RRN3: variants seen among roughly 807,000 people sequenced by gnomAD.
RRN3 encodes the protein RNA polymerase I-specific transcription initiation factor RRN3.
In RRN3, 38 loss-of-function variants were observed where a neutral mutation model predicts 82.3. The observed-to-expected ratio is 0.46, with a 90% CI of 0.36 to 0.61. RRN3 has a LOEUF of 0.61. Ranked by LOEUF, RRN3 falls within the 20% of genes least tolerant of loss-of-function variation. RRN3 has a pLI of 0.00. For synonymous variants in RRN3, 284 were observed against 284.3 expected (o/e 1.00, Z 0.01); for missense variants, 726 against 793.1 (o/e 0.92, Z 1.02).
intron 12 of RRN3, 117 bp from the exon 13 acceptor site, chr16:15,071,368 A>G (rs2045220435): frequency 2.1e-6 from 2 of 931,754 alleles, no homozygotes; most frequent in East Asian, 5.0e-5. Flanking sequence ...TCTCATAACT[A>G]TCTCATGGGC....
intron 9 of RRN3, among the ~76,000 whole-genome samples, chr16:15,077,518 C>T (rs2045512886): frequency 6.6e-6 from 1 of 152,110 alleles, no homozygotes; most frequent in Non-Finnish European, 1.5e-5. Flanking sequence ...CTGAGGCCTC[C>T]CCAGCCATGT....
At position 15,089,803 on chromosome 16, in the gene RRN3, A is replaced by AC. The variant is rs1452254360; in HGVS notation, c.252+1511_252+1512insG. 1.9e-4 allele frequency among the ~76,000 whole-genome samples: 29 copies of AC among 151,248 alleles called. No homozygotes were observed. The East Asian group carries it at 5.4e-3, about 28-fold the overall frequency. Reference sequence around the variant, plus strand: ...CGACAGAGCAAAAAAAAAAAAAAAAAAAAAAAAACAGATTAAAGGATCAGG... The same window carrying AC: ...CGACAGAGCAAAAAAAAAAAAAAAAACAAAAAAAACAGATTAAAGGATCAGG... On this transcript the variant is annotated intron_variant, in intron 3 of 17. Transcript: ENST00000198767.
chr16:15,081,195 C>A (rs2151802670), intron 8 of RRN3, among the ~76,000 whole-genome samples: 1 of 152,312 alleles, frequency 6.6e-6, no homozygotes, highest in South Asian at 2.1e-4. Context: ...ACAAGTTTTT[C>A]TGTGGACATA....
intron 11 of RRN3, among the ~76,000 whole-genome samples, chr16:15,073,548 T>TA (rs2045329748): frequency 6.6e-6 from 1 of 152,198 alleles, no homozygotes; most frequent in African/African-American, 2.4e-5. Flanking sequence ...CTGAATATAA[T>TA]AATCTAACAC....
At chr16:15,072,917 AG>A in intron 12 of RRN3, 32 bp downstream of exon 12, 1 of 1,605,880 alleles carries the variant, frequency 6.2e-7, no homozygotes, top group Non-Finnish European at 8.5e-7. Flanking sequence ...AAACAAAGTA[AG>A]CTAAGATAAT....
chr16:15,081,091 A>T (rs1228286417), intron 8 of RRN3, among the ~76,000 whole-genome samples: 1 of 152,170 alleles, frequency 6.6e-6, no homozygotes, highest in Non-Finnish European at 1.5e-5. Context: ...GTAATATTCC[A>T]TTGTACCATG....
intron 9 of RRN3, among the ~76,000 whole-genome samples, chr16:15,077,387 C>G (rs539609956): frequency 5.3e-5 from 8 of 152,160 alleles, no homozygotes; most frequent in African/African-American, 1.4e-4. Context: ...ATACTGTTCT[C>G]GTGATAGTGA....
intron 1 of RRN3, among the ~76,000 whole-genome samples, chr16:15,092,914 G>C (rs560939875): frequency 2.0e-5 from 3 of 152,206 alleles, no homozygotes; most frequent in Non-Finnish European, 4.4e-5. Context: ...CAGCCATAAC[G>C]TCTTTTCTGC....
In RRN3 at chr16:15,068,172, G is replaced by A; in HGVS notation, c.1550C>T (p.Thr517Ile). 1 of 1,569,994 alleles carries A rather than the reference G, an allele frequency of 6.4e-7. No homozygotes were observed. Among genetic ancestry groups the A allele is most frequent in the Non-Finnish European group, 8.7e-7 (1 of 1,154,924 alleles). Reference sequence around the variant, plus strand: ...CAAGAAAGCGTAAATAACTTACTTTGTGATTGCAGCAAAAAAGTTAACCAC... The same window carrying A: ...CAAGAAAGCGTAAATAACTTACTTTATGATTGCAGCAAAAAAGTTAACCAC... ...PSVVNFFAAITNKYQLVFCYT... is the reference protein window; with the variant it reads ...PSVVNFFAAIINKYQLVFCYT... The change falls in exon 15 of 18, where the codon ACA becomes ATA. Residue 517 changes from threonine (T) to isoleucine (I), a missense_variant. Around this residue, in one of 4 missense-constraint regions of RRN3, gnomAD observed 81 missense variants for 156.4 expected, o/e 0.52. Transcript: ENST00000198767.
At chr16:15,085,782 A>C in intron 5 of RRN3, 84 bp from the exon 6 acceptor site, 1 of 1,557,760 alleles carries the variant, frequency 6.4e-7, no homozygotes, top group Non-Finnish European at 8.7e-7. Context: ...TGACCTAGAC[A>C]ATGAACAGCT....
chr16:15,085,468 T>A (rs1183079825), intron 6 of RRN3, among the ~76,000 whole-genome samples, 171 bp downstream of exon 6: 1 of 152,300 alleles, frequency 6.6e-6, no homozygotes, highest in Non-Finnish European at 1.5e-5. Flanking sequence ...AAGCCTTTTT[T>A]AAGAAAATAT....
intron 11 of RRN3, 191 bp downstream of exon 11, chr16:15,074,532 C>A: frequency 2.2e-6 from 1 of 463,260 alleles, no homozygotes. Flanking sequence ...TATAACTCAG[C>A]CAGAATCCCA....
chr16:15,088,313 A>T (rs2045988398), intron 3 of RRN3, among the ~76,000 whole-genome samples: 3 of 152,076 alleles, frequency 2.0e-5, no homozygotes, highest in Non-Finnish European at 4.4e-5. Context: ...TCATCTCCAG[A>T]AAAATTAGCC....
At chr16:15,092,902 T>C (rs1452765187) in intron 1 of RRN3, among the ~76,000 whole-genome samples, 1 of 152,234 alleles carries the variant, frequency 6.6e-6, no homozygotes, top group Non-Finnish European at 1.5e-5. Context: ...CTTGTTTTAC[T>C]ACAGCCATAA....
intron 15 of RRN3, among the ~76,000 whole-genome samples, chr16:15,066,921 G>A (rs968365099): frequency 6.6e-6 from 1 of 151,730 alleles, no homozygotes; most frequent in African/African-American, 2.4e-5. Context: ...CCCAAATCGA[G>A]AGCCCCTGGA....
At chr16:15,086,514 C>T (rs2045921788) in intron 3 of RRN3, 60 bp from the exon 4 acceptor site, 4 of 1,604,764 alleles carry the variant, frequency 2.5e-6, no homozygotes, top group Admixed American at 1.7e-5. Flanking sequence ...CAGAAATTTA[C>T]AGCTATCTTA....
chr16:15,074,969 G>T, intron 10 of RRN3, 108 bp from the exon 11 acceptor site: 1 of 1,148,386 alleles, frequency 8.7e-7, no homozygotes, highest in Non-Finnish European at 1.2e-6. Context: ...AAACAAAGAG[G>T]CTGGGGAAAG....
Position 15,061,376 on chromosome 16 carries a change from C to A in RRN3, c.*368G>T, listed in dbSNP as rs1940976549. The stretch of plus-strand genomic sequence containing the variant: ...CCTAAGACCATGGATCTGACAAAAA[C>A]CCATGTTAAAACAGCAACCCGTAAA... On this transcript the variant is annotated 3_prime_UTR_variant, in exon 18 of 18. Transcript: ENST00000198767. 1 of 213,868 alleles carries A rather than the reference C, an allele frequency of 4.7e-6. No homozygotes were observed. Among genetic ancestry groups the A allele is most frequent in the Non-Finnish European group, 9.2e-6 (1 of 108,906 alleles). 13.2% of individuals were successfully genotyped at this position (213,868 alleles called of 1,614,324 possible).
In RRN3 at chr16:15,061,825, G is replaced by GC; in HGVS notation, c.1874dup (p.Ser625ArgfsTer4). The GC allele has an allele frequency of 6.2e-7, 1 of 1,614,184 alleles. No homozygotes were observed. The highest frequency in any genetic ancestry group is 8.5e-7 in the Non-Finnish European group (1 of 1,179,972). On this transcript the variant is annotated frameshift_variant, in exon 18 of 18. Coordinates refer to ENST00000198767, the MANE Select transcript of RRN3 (RefSeq NM_018427.5). LOFTEE classifies it high-confidence loss of function. ...GACTTCGGAAATGCGTGTCAAAGGA[G>GC]CTTGGTGTGATCCCAATCACGGTAT...
Sources: gnomAD v4.1 joint callset for allele counts (sites outside exome capture counted in the v4.1 genomes callset) on GRCh38, gnomAD v4.1.1 for gene constraint, gnomAD v4.1.1 regional missense constraint, MANE v1.5 for transcripts, NCBI Gene and HGNC (gene_info 2026-07-23, HGNC 2026-07-21) for gene names.